SUFU: variants seen among roughly 807,000 people sequenced by gnomAD.
SUFU encodes the protein suppressor of fused homolog.
In SUFU, 7 loss-of-function variants were observed where a neutral mutation model predicts 58.9. The ratio of observed to expected loss-of-function variants is 0.12; its 90% confidence interval spans 0.07 to 0.22. The LOEUF (loss-of-function observed/expected upper bound fraction) is 0.22. Among genes scored for constraint, SUFU ranks in the 10% least tolerant of loss-of-function variants. The pLI is 1.00. For synonymous variants in SUFU, 232 were observed against 254.8 expected (o/e 0.91, Z 0.85); for missense variants, 451 against 641.3 (o/e 0.70, Z 3.20).
intron 1 of SUFU, among the ~76,000 whole-genome samples, chr10:102,508,386 G>A (rs944066173): frequency 6.6e-6 from 1 of 152,160 alleles, no homozygotes; most frequent in Non-Finnish European, 1.5e-5. Context: ...TCAGTTGAAT[G>A]GTGGGGGAAA....
rs1428415427 is a variant in SUFU at position 102,629,730 on chromosome 10, C to T, written c.1366-336C>T. Among the ~76,000 whole-genome samples the T allele has an allele frequency of 5.3e-5, 8 of 152,186 alleles. No individual in the cohort carries two copies. Among genetic ancestry groups the T allele is most frequent in the Non-Finnish European group, 1.2e-4 (8 of 68,036 alleles). ...TCCCCCAGCCCCCATCCTCCAGCCC[C>T]AGGGCCTCAGGGAGCAGATTCTTTA... On this transcript the variant is annotated intron_variant, in intron 11 of 11. Coordinates refer to ENST00000369902, the MANE Select transcript of SUFU (RefSeq NM_016169.4). This position sits in a 1 kb window ranked among gnomAD's most constrained non-coding sequence, Gnocchi z 4.7.
chr10:102,562,477 C>T (rs1398900891), intron 3 of SUFU, among the ~76,000 whole-genome samples: 3 of 151,992 alleles, frequency 2.0e-5, no homozygotes, highest in Middle Eastern at 3.4e-3. Flanking sequence ...GAGCCGAGAT[C>T]GCGCCGCTAC....
intron 3 of SUFU, among the ~76,000 whole-genome samples, chr10:102,562,193 G>A (rs1392705500): frequency 1.3e-5 from 2 of 152,144 alleles, no homozygotes; most frequent in Admixed American, 6.6e-5. Context: ...GTTAACAGAT[G>A]TGATTCAGTC....
chr10:102,526,054 C>T (rs1366706037), intron 2 of SUFU, among the ~76,000 whole-genome samples: 1 of 151,906 alleles, frequency 6.6e-6, no homozygotes, highest in Non-Finnish European at 1.5e-5. Flanking sequence ...CTATTATGCA[C>T]TATGCCAGTC....
chr10:102,509,812 T>A (rs932262863), intron 2 of SUFU, among the ~76,000 whole-genome samples: 5 of 152,182 alleles, frequency 3.3e-5, no homozygotes, highest in Non-Finnish European at 7.3e-5. Context: ...TTTATTTTTT[T>A]ATCTTAGTCT....
chr10:102,630,159 G>T lies in SUFU; in HGVS notation c.*4G>T. ...GTTCGACAGTCCGCTACACTAGCCT[G>T]GGCTGGGCCCTGCAGTGGCCAGCAG... On this transcript the variant is annotated 3_prime_UTR_variant, in exon 12 of 12. Transcript: ENST00000369902. The T allele has an allele frequency of 4.3e-6, 7 of 1,614,010 alleles. No homozygotes were observed. The highest frequency in any genetic ancestry group is 5.9e-6 in the Non-Finnish European group (7 of 1,179,918).
At chr10:102,588,976 G>T (rs978440388) in intron 3 of SUFU, among the ~76,000 whole-genome samples, 2 of 152,042 alleles carry the variant, frequency 1.3e-5, no homozygotes, top group Non-Finnish European at 2.9e-5. Flanking sequence ...AGGCTGGAAT[G>T]CAGTGATGTG....
intron 2 of SUFU, among the ~76,000 whole-genome samples, chr10:102,540,975 TCGCG>T (rs1347972486): frequency 6.6e-5 from 10 of 152,026 alleles, no homozygotes; most frequent in African/African-American, 2.4e-4. Context: ...TGATCAGAGA[TCGCG>T]CCATTGCACT....
intron 3 of SUFU, among the ~76,000 whole-genome samples, chr10:102,572,032 G>A (rs951445171): frequency 3.3e-5 from 5 of 152,048 alleles, no homozygotes; most frequent in African/African-American, 7.2e-5. Flanking sequence ...CCCTTTTAAA[G>A]GGCTTTTACC....
chr10:102,615,162 C>A, intron 8 of SUFU, 106 bp from the exon 9 acceptor site: 3 of 1,509,524 alleles, frequency 2.0e-6, no homozygotes, highest in Non-Finnish European at 1.8e-6. Flanking sequence ...TATCATCAGT[C>A]ACCATTATTG....
At chr10:102,572,861 T>C in intron 3 of SUFU, 1 of 802,824 alleles carries the variant, frequency 1.2e-6, no homozygotes, top group Admixed American at 1.7e-5. Context: ...GTGTTGACCT[T>C]GGTCACATCA....
intron 2 of SUFU, among the ~76,000 whole-genome samples, chr10:102,547,052 C>T (rs887875030): frequency 1.3e-5 from 2 of 152,226 alleles, no homozygotes; most frequent in African/African-American, 4.8e-5. Context: ...ATTGTGCAGC[C>T]GAAGAGGAAC....
At chr10:102,561,965 G>A (rs769149536) in intron 3 of SUFU, among the ~76,000 whole-genome samples, 3 of 152,076 alleles carry the variant, frequency 2.0e-5, no homozygotes, top group Admixed American at 1.3e-4. Flanking sequence ...CACTGCGCCT[G>A]GCTAGCAAAC....
chr10:102,593,561 G>A (rs547942732), intron 4 of SUFU, 75 bp from the exon 5 acceptor site: 31 of 1,475,706 alleles, frequency 2.1e-5, no homozygotes, highest in Middle Eastern at 3.4e-4. Context: ...GTGACTCAGA[G>A]AGCCTGGGTA....
intron 2 of SUFU, among the ~76,000 whole-genome samples, chr10:102,521,498 G>A (rs1348481116): frequency 3.9e-5 from 6 of 152,136 alleles, no homozygotes; most frequent in Non-Finnish European, 7.3e-5. Flanking sequence ...AACTGGGGCT[G>A]GCTCATGAGT....
intron 3 of SUFU, among the ~76,000 whole-genome samples, chr10:102,574,004 GAAAA>G (rs1004274691): frequency 6.6e-6 from 1 of 150,942 alleles, no homozygotes; most frequent in Non-Finnish European, 1.5e-5. Context: ...AACTAAAACT[GAAAA>G]AAAAATTAAT....
In SUFU at chr10:102,593,692, C is replaced by T. The variant is rs1227186441; in HGVS notation, c.654C>T (p.Gly218=). The change falls in exon 5 of 12, where the codon GGC becomes GGT. Residue 218 remains glycine, a synonymous_variant. Transcript: ENST00000369902. The stretch of plus-strand genomic sequence containing the variant: ...CAGCCCAGCAGTGGAACGGGCAGGG[C>T]ATCCTGGAGCTGCTGCGGACAGTGC... The part of the protein sequence containing the change: ...LHSAQQWNGQ[G]ILELLRTVPI... The T allele has an allele frequency of 1.2e-6, 2 of 1,614,216 alleles. No homozygotes were observed. The highest frequency in any genetic ancestry group is 1.7e-6 in the Non-Finnish European group (2 of 1,180,036).
chr10:102,527,871 T>C (rs965525321), intron 2 of SUFU, among the ~76,000 whole-genome samples: 3 of 152,220 alleles, frequency 2.0e-5, no homozygotes, highest in African/African-American at 7.2e-5. Context: ...CTTGGGTAGA[T>C]GCCTTGCCTC....
intron 7 of SUFU, among the ~76,000 whole-genome samples, chr10:102,599,173 A>G (rs1311300885): frequency 6.6e-6 from 1 of 152,194 alleles, no homozygotes; most frequent in African/African-American, 2.4e-5. Context: ...AGGATGGTGG[A>G]GAGCGCTCTT....
Sources: gnomAD v4.1 joint callset for allele counts (sites outside exome capture counted in the v4.1 genomes callset) on GRCh38, gnomAD v4.1.1 for gene constraint, Gnocchi (gnomAD v3.1) non-coding constraint, MANE v1.5 for transcripts, NCBI Gene and HGNC (gene_info 2026-07-23, HGNC 2026-07-21) for gene names.